FER1L6: variants seen among roughly 807,000 people sequenced by gnomAD.
The protein encoded by FER1L6 is fer-1-like protein 6.
FER1L6 carries 177 observed loss-of-function variants against 219.2 expected under a neutral mutation model. That is an observed-to-expected ratio of 0.81 (90% CI 0.71 to 0.91). The LOEUF is 0.91. Ranked by LOEUF, FER1L6 falls within the 40% of genes least tolerant of loss-of-function variation. The pLI, the probability that FER1L6 is intolerant of heterozygous loss-of-function variation, is 0.00. For missense variants in FER1L6, 2,153 were observed against 2,259.9 expected, an observed-to-expected ratio of 0.95 and a Z score of 0.96; for synonymous variants, 768 against 824.3, an observed-to-expected ratio of 0.93 and a Z score of 1.17.
chr8:124,060,421 C>T (rs968352711), intron 23 of FER1L6, 127 bp from the exon 24 acceptor site: 1 of 1,430,554 alleles, frequency 7.0e-7, no homozygotes, highest in African/African-American at 1.4e-5. Flanking sequence ...AAAAGCTGTG[C>T]AGTTCTTTCC....
intron 18 of FER1L6, among the ~76,000 whole-genome samples, chr8:124,031,310 A>G (rs1338267980): frequency 6.6e-6 from 1 of 152,208 alleles, no homozygotes; most frequent in Non-Finnish European, 1.5e-5. Flanking sequence ...AGATCCCAAA[A>G]TAGGGGGAAA....
At chr8:123,888,059 TTG>T (rs1397098670) in intron 1 of FER1L6, among the ~76,000 whole-genome samples, 16 of 152,144 alleles carry the variant, frequency 1.1e-4, no homozygotes, top group Admixed American at 6.5e-5. Flanking sequence ...GTTTTGATGA[TTG>T]TGTGTGTATG....
At chr8:123,938,777 A>C (rs1814108721) in intron 1 of FER1L6, among the ~76,000 whole-genome samples, 1 of 152,024 alleles carries the variant, frequency 6.6e-6, no homozygotes, top group Non-Finnish European at 1.5e-5. Flanking sequence ...CAAACTCCTG[A>C]GCTCAAGCTA....
At chr8:123,937,519 C>CT (rs1281214061) in intron 1 of FER1L6, among the ~76,000 whole-genome samples, 2 of 152,102 alleles carry the variant, frequency 1.3e-5, no homozygotes, top group Non-Finnish European at 2.9e-5. Context: ...CCGAGACCAC[C>CT]TAATACTCAT....
At chr8:123,978,644 C>T (rs1005693719) in intron 10 of FER1L6, among the ~76,000 whole-genome samples, 2 of 152,068 alleles carry the variant, frequency 1.3e-5, no homozygotes, top group Non-Finnish European at 2.9e-5. Flanking sequence ...TATAATCACA[C>T]ATACATATAC....
chr8:123,980,837 A>G (rs1816292450), intron 11 of FER1L6, 26 bp downstream of exon 11: 3 of 1,573,374 alleles, frequency 1.9e-6, no homozygotes, highest in Non-Finnish European at 2.6e-6. Flanking sequence ...GCATTATGGT[A>G]CTTTACCTAT....
intron 35 of FER1L6, among the ~76,000 whole-genome samples, 175 bp from the exon 36 acceptor site, chr8:124,097,084 TATATATATATAC>T (rs1444306093): frequency 6.3e-5 from 3 of 47,328 alleles, no homozygotes; most frequent in Non-Finnish European, 1.6e-4. Flanking sequence ...TATATATATA[TATATATATATAC>T]ATACATACAT....
intron 1 of FER1L6, among the ~76,000 whole-genome samples, chr8:123,859,481 C>T (rs11990559): frequency 0.024 from 3,641 of 151,774 alleles, 138 homozygotes; most frequent in African/African-American, 0.083. Flanking sequence ...GATCCATATC[C>T]TCCTTTTCCC....
chr8:124,062,070 A>C (rs1265063814), intron 25 of FER1L6, 38 bp downstream of exon 25: 1 of 1,607,972 alleles, frequency 6.2e-7, no homozygotes, highest in Non-Finnish European at 8.5e-7. Context: ...CTGTAACTAT[A>C]AAGTCATGGT....
At chr8:123,866,716 C>A (rs920585523) in intron 1 of FER1L6, among the ~76,000 whole-genome samples, 1 of 152,134 alleles carries the variant, frequency 6.6e-6, no homozygotes, top group Non-Finnish European at 1.5e-5. Context: ...CTCTTGAGCT[C>A]AAGCGATCCT....
At chr8:124,019,763 C>A (rs1005177596) in intron 16 of FER1L6, among the ~76,000 whole-genome samples, 3 of 152,134 alleles carry the variant, frequency 2.0e-5, no homozygotes, top group Non-Finnish European at 4.4e-5. Context: ...ATGATTAAGA[C>A]AGAAGATAGA....
chr8:123,932,920 G>A (rs980543414), intron 1 of FER1L6, among the ~76,000 whole-genome samples: 5 of 152,186 alleles, frequency 3.3e-5, no homozygotes, highest in African/African-American at 1.2e-4. Flanking sequence ...GAGACAGACA[G>A]GTAAAAGGGT....
chr8:123,980,509 T>A lies in FER1L6; in HGVS notation c.1108T>A (p.Ser370Thr). 1 of 1,614,096 alleles carries A rather than the reference T, an allele frequency of 6.2e-7. No individual in the cohort carries two copies. Among genetic ancestry groups the A allele is most frequent in the Non-Finnish European group, 8.5e-7 (1 of 1,179,984 alleles). Reference sequence around the variant, plus strand: ...GCCTGCCTGGATTAACCTGTATGGCTCGCCCAGGAACCACAGTCTGATGGA... The same window carrying A: ...GCCTGCCTGGATTAACCTGTATGGCACGCCCAGGAACCACAGTCTGATGGA... The part of the protein sequence containing the change: ...FGPAWINLYG[S>T]PRNHSLMDDY... The change falls in exon 11 of 41, where the codon TCG becomes ACG. Residue 370 changes from serine to threonine, a missense_variant. Ser to Thr is a moderately conservative substitution (Grantham distance 58). Transcript: ENST00000522917.
chr8:123,883,432 A>C lies in FER1L6; in HGVS notation c.-8+31247A>C, dbSNP rs563459723. ...CGGCTGAGAGCAAGTCTTGGTTTTT[A>C]AGTAGTCTCTGAAACTTTACAGAAG... On this transcript the variant is annotated intron_variant, in intron 1 of 40. Transcript: ENST00000522917. Among the ~76,000 whole-genome samples, 37 of 152,308 alleles carry C rather than the reference A, an allele frequency of 2.4e-4. No individual in the cohort carries two copies. In the South Asian group the frequency reaches 6.6e-3, roughly 27 times the overall value.
At chr8:124,049,117 G>A (rs976808706) in intron 21 of FER1L6, among the ~76,000 whole-genome samples, 3 of 151,314 alleles carry the variant, frequency 2.0e-5, no homozygotes, top group South Asian at 2.1e-4. Flanking sequence ...GTGCGATCTC[G>A]GCTTACTGCA....
At chr8:123,868,640 C>T (rs1023712975) in intron 1 of FER1L6, among the ~76,000 whole-genome samples, 2 of 152,128 alleles carry the variant, frequency 1.3e-5, no homozygotes, top group African/African-American at 2.4e-5. Context: ...CCAAGCAGCC[C>T]TCCCTGCAGA....
intron 1 of FER1L6, 46 bp from the exon 2 acceptor site, chr8:123,955,946 A>G: frequency 6.5e-7 from 1 of 1,541,034 alleles, no homozygotes; most frequent in Non-Finnish European, 8.8e-7. Flanking sequence ...TAACACGTCT[A>G]AATGACTCAA....
At chr8:123,879,680 T>A (rs1817071290) in intron 1 of FER1L6, among the ~76,000 whole-genome samples, 1 of 125,432 alleles carries the variant, frequency 8.0e-6, no homozygotes, top group Non-Finnish European at 1.7e-5. Flanking sequence ...CTAATATGTG[T>A]ATTTGTCCTC....
intron 1 of FER1L6, among the ~76,000 whole-genome samples, chr8:123,914,544 C>T (rs1343410875): frequency 6.6e-6 from 1 of 152,128 alleles, no homozygotes; most frequent in African/African-American, 2.4e-5. Context: ...CCCCAATCCC[C>T]ACAAATAGCC....
Sources: gnomAD v4.1 joint callset for allele counts (sites outside exome capture counted in the v4.1 genomes callset) on GRCh38, gnomAD v4.1.1 for gene constraint, MANE v1.5 for transcripts, NCBI Gene and HGNC (gene_info 2026-07-23, HGNC 2026-07-21) for gene names.